DOCK10: variants seen among roughly 807,000 people sequenced by gnomAD.
The protein encoded by DOCK10 is dedicator of cytokinesis protein 10.
A neutral mutation model predicts 280.1 loss-of-function variants in DOCK10; 145 were observed. The observed-to-expected ratio is 0.52, with a 90% CI of 0.45 to 0.59. The LOEUF (loss-of-function observed/expected upper bound fraction) is 0.59. Among genes scored for constraint, DOCK10 ranks in the 20% least tolerant of loss-of-function variants. The pLI is 0.00. For missense variants in DOCK10, 2,368 were observed against 2,651.7 expected, an observed-to-expected ratio of 0.89 and a Z score of 2.35; for synonymous variants, 915 against 942.2, an observed-to-expected ratio of 0.97 and a Z score of 0.53.
chr2:224,841,894 A>G lies in DOCK10; in HGVS notation c.2571T>C (p.Asp857=). Residue 857 remains aspartate (D), a splice_region_variant and synonymous_variant, in exon 23 of 56, where the codon GAT becomes GAC. Transcript: ENST00000258390. ...TFVVSTVNTQ[D]PHVNAFFQEC... is the part of the protein sequence containing the mutation. ...CTTGGAAAAATGCATTCACATGTGGATCCTACAACAGCAAAAAAAAAGTAT... is the reference window on the plus strand; with the variant it reads ...CTTGGAAAAATGCATTCACATGTGGGTCCTACAACAGCAAAAAAAAAGTAT... 1.2e-6 allele frequency: 2 copies of G among 1,607,374 alleles called. No individual in the cohort carries two copies. Among genetic ancestry groups the G allele is most frequent in the Non-Finnish European group, 1.7e-6 (2 of 1,174,020 alleles).
At chr2:224,880,107 C>G (rs76369399) in intron 7 of DOCK10, among the ~76,000 whole-genome samples, 1 of 152,156 alleles carries the variant, frequency 6.6e-6, no homozygotes, top group Non-Finnish European at 1.5e-5. Flanking sequence ...ATTTGATTGT[C>G]TAAACTGCAT....
At chr2:224,830,681 C>T (rs1404272704) in intron 26 of DOCK10, 69 bp from the exon 27 acceptor site, 6 of 882,404 alleles carry the variant, frequency 6.8e-6, no homozygotes. Context: ...TTTTTCTTTG[C>T]AATATGTAAT....
chr2:224,908,873 T>C (rs1700834959), intron 3 of DOCK10, among the ~76,000 whole-genome samples: 3 of 152,210 alleles, frequency 2.0e-5, no homozygotes, highest in South Asian at 4.1e-4. Flanking sequence ...GAGACTTGGA[T>C]GAAGTCTCCT....
Position 224,770,720 on chromosome 2 carries a change from CTG to C in DOCK10, c.6205-77_6205-76del, listed in dbSNP as rs1040883744. 1.5e-5 allele frequency: 16 copies of C among 1,072,382 alleles called. No individual in the cohort carries two copies. In the African/African-American group the frequency reaches 2.3e-4, roughly 16 times the overall value. 66.4% of individuals were successfully genotyped at this position (1,072,382 alleles called of 1,614,324 possible). A position where few individuals can be genotyped will look rare whatever the true frequency, so the allele number is the denominator to read the frequency against. ...TTTTCCACCGCTGGAAGAGGAGCAA[CTG>C]TGCACCAATGGTGTGGTACCCCCAT... On this transcript the variant is annotated intron_variant, in intron 53 of 55. Coordinates refer to ENST00000258390, the MANE Select transcript of DOCK10 (RefSeq NM_014689.3). This position sits in a 1 kb window ranked among gnomAD's most constrained non-coding sequence, Gnocchi z 4.5.
intron 5 of DOCK10, 56 bp downstream of exon 5, chr2:224,886,403 G>C (rs1699285019): frequency 1.4e-5 from 21 of 1,544,244 alleles, no homozygotes; most frequent in Non-Finnish European, 1.5e-5. Flanking sequence ...TTCAGTGCAA[G>C]ACAGAAACTA....
chr2:224,947,121 C>T, intron 1 of DOCK10: 1 of 1,253,914 alleles, frequency 8.0e-7, no homozygotes, highest in African/African-American at 1.5e-5. Flanking sequence ...GTCAAGTTAC[C>T]ACTTCCTGTG....
At chr2:224,918,727 AGTAT>A (rs1263625866) in intron 2 of DOCK10, among the ~76,000 whole-genome samples, 1 of 148,918 alleles carries the variant, frequency 6.7e-6, no homozygotes, top group Admixed American at 6.7e-5. Context: ...ATGTGCAATG[AGTAT>A]GTGTGTTAGT....
intron 1 of DOCK10, among the ~76,000 whole-genome samples, chr2:224,973,806 T>C (rs887846294): frequency 6.6e-6 from 1 of 152,106 alleles, no homozygotes. Flanking sequence ...GACCCAGAGA[T>C]CACACTGCCA....
Position 224,854,944 on chromosome 2 carries a change from C to A in DOCK10, c.1888+19G>T, listed in dbSNP as rs763874750. 6.3e-6 allele frequency: 10 copies of A among 1,584,620 alleles called. No individual in the cohort carries two copies. The highest frequency in any genetic ancestry group is 8.6e-6 in the Non-Finnish European group (10 of 1,160,002). On this transcript the variant is annotated intron_variant, in intron 16 of 55. Transcript: ENST00000258390. ...AATATTCAAAACTCTGCAACCAAAC[C>A]ATGACATCATCATCATACTTGGATG...
chr2:224,988,875 C>T (rs369946708), intron 1 of DOCK10, among the ~76,000 whole-genome samples: 1 of 152,250 alleles, frequency 6.6e-6, no homozygotes, highest in African/African-American at 2.4e-5. Flanking sequence ...AATTGGCTGT[C>T]AAAGCATATA....
chr2:224,836,963 TAAGAG>T, intron 25 of DOCK10, among the ~76,000 whole-genome samples: 1 of 152,198 alleles, frequency 6.6e-6, no homozygotes, highest in Admixed American at 6.5e-5. Flanking sequence ...GCATACATAT[TAAGAG>T]AATACAGTTT....
chr2:224,870,062 G>T (rs1698170683), intron 11 of DOCK10, among the ~76,000 whole-genome samples: 1 of 152,132 alleles, frequency 6.6e-6, no homozygotes, highest in African/African-American at 2.4e-5. Context: ...CATGTCATAG[G>T]AGGGACCCAG....
intron 2 of DOCK10, among the ~76,000 whole-genome samples, chr2:224,920,569 G>T (rs951440757): frequency 7.0e-6 from 1 of 141,914 alleles, no homozygotes; most frequent in East Asian, 2.1e-4. Context: ...TTTCCTATTC[G>T]GATGGATAAT....
intron 31 of DOCK10, among the ~76,000 whole-genome samples, 173 bp downstream of exon 31, chr2:224,814,147 A>G (rs1051534031): frequency 6.6e-6 from 1 of 152,238 alleles, no homozygotes; most frequent in Non-Finnish European, 1.5e-5. Context: ...AAATTAGGCA[A>G]TCATTAAACT....
At chr2:224,993,243 C>T (rs1706180443) in intron 1 of DOCK10, among the ~76,000 whole-genome samples, 1 of 150,254 alleles carries the variant, frequency 6.7e-6, no homozygotes, top group Non-Finnish European at 1.5e-5. Flanking sequence ...CTGAATTTAC[C>T]ATTTCCTGGA....
chr2:224,954,197 G>A (rs1436259930), intron 1 of DOCK10, among the ~76,000 whole-genome samples: 1 of 152,090 alleles, frequency 6.6e-6, no homozygotes, highest in East Asian at 1.9e-4. Flanking sequence ...GGGTAGGTAA[G>A]AAATTCATTT....
chr2:225,041,175 CT>C (rs1340341112), intron 1 of DOCK10, among the ~76,000 whole-genome samples: 1 of 152,190 alleles, frequency 6.6e-6, no homozygotes, highest in Non-Finnish European at 1.5e-5. Flanking sequence ...CTCTGGGAAG[CT>C]TTTGGCGCCC....
chr2:224,978,655 C>G, intron 1 of DOCK10, among the ~76,000 whole-genome samples: 1 of 152,272 alleles, frequency 6.6e-6, no homozygotes, highest in South Asian at 2.1e-4. Flanking sequence ...GATTTATACA[C>G]TATAAATATT....
At chr2:224,889,307 C>T (rs980889046) in intron 4 of DOCK10, among the ~76,000 whole-genome samples, 9 of 152,186 alleles carry the variant, frequency 5.9e-5, no homozygotes, top group Non-Finnish European at 1.3e-4. Context: ...TATGCTTACC[C>T]TCCCTTCATT....
Sources: gnomAD v4.1 joint callset for allele counts (sites outside exome capture counted in the v4.1 genomes callset) on GRCh38, gnomAD v4.1.1 for gene constraint, Gnocchi (gnomAD v3.1) non-coding constraint, MANE v1.5 for transcripts, NCBI Gene and HGNC (gene_info 2026-07-23, HGNC 2026-07-21) for gene names.